EDIL3: variants seen among roughly 807,000 people sequenced by gnomAD.
EDIL3 encodes the protein EGF like and discoidin domains 3.
A neutral mutation model predicts 67.4 loss-of-function variants in EDIL3; 37 were observed. The observed-to-expected ratio is 0.55, with a 90% CI of 0.42 to 0.72. EDIL3 has a LOEUF of 0.72. Among genes scored for constraint, EDIL3 ranks in the 30% least tolerant of loss-of-function variants. The pLI, the probability that EDIL3 is intolerant of heterozygous loss-of-function variation, is 0.00. For synonymous variants in EDIL3, 195 were observed against 196.3 expected (o/e 0.99, Z 0.05); for missense variants, 527 against 586.3 (o/e 0.90, Z 1.04).
intron 1 of EDIL3, among the ~76,000 whole-genome samples, chr5:84,333,948 A>G (rs557183537): frequency 1.3e-5 from 2 of 152,286 alleles, no homozygotes; most frequent in Admixed American, 1.3e-4. Context: ...TAATTGTACA[A>G]AATATGTCTT....
intron 2 of EDIL3, among the ~76,000 whole-genome samples, chr5:84,240,371 T>G (rs1561231733): frequency 6.6e-6 from 1 of 152,138 alleles, no homozygotes; most frequent in Non-Finnish European, 1.5e-5. Context: ...TGGGATAATT[T>G]TGGAAATAAC....
At chr5:84,222,929 C>A (rs1369858770) in intron 3 of EDIL3, among the ~76,000 whole-genome samples, 2 of 151,720 alleles carry the variant, frequency 1.3e-5, no homozygotes, top group Non-Finnish European at 3.0e-5. Flanking sequence ...ATCTGCAGGC[C>A]ATCATTTCAT....
chr5:84,271,938 T>C (rs907256774), intron 1 of EDIL3, among the ~76,000 whole-genome samples: 4 of 152,192 alleles, frequency 2.6e-5, no homozygotes, highest in African/African-American at 7.2e-5. Flanking sequence ...CTCAGAAGAT[T>C]TTCTCGGAGC....
At chr5:84,015,979 T>G (rs979814590) in intron 9 of EDIL3, among the ~76,000 whole-genome samples, 1 of 152,092 alleles carries the variant, frequency 6.6e-6, no homozygotes. Context: ...GTACAGATCC[T>G]CTCATCACCC....
chr5:84,008,126 G>A (rs982178270), intron 9 of EDIL3, among the ~76,000 whole-genome samples: 4 of 152,256 alleles, frequency 2.6e-5, no homozygotes, highest in East Asian at 1.9e-4. Flanking sequence ...GTTACCAGAG[G>A]CTGGAAAGGG....
chr5:84,329,734 G>A (rs1245408310), intron 1 of EDIL3, among the ~76,000 whole-genome samples: 1 of 151,898 alleles, frequency 6.6e-6, no homozygotes, highest in African/African-American at 2.4e-5. Flanking sequence ...TTACAATAAT[G>A]ATAAAGATAA....
At chr5:84,029,021 G>A (rs1170448502) in intron 9 of EDIL3, among the ~76,000 whole-genome samples, 1 of 152,170 alleles carries the variant, frequency 6.6e-6, no homozygotes, top group African/African-American at 2.4e-5. Flanking sequence ...ACTTTGGGAG[G>A]CTGAGGCAGG....
intron 3 of EDIL3, among the ~76,000 whole-genome samples, chr5:84,227,409 T>C (rs936474123): frequency 3.3e-5 from 5 of 151,936 alleles, no homozygotes; most frequent in African/African-American, 1.2e-4. Flanking sequence ...TCAGATACTA[T>C]TAAAAAATCA....
At chr5:84,120,457 T>C (rs759584190) in intron 5 of EDIL3, among the ~76,000 whole-genome samples, 1 of 152,050 alleles carries the variant, frequency 6.6e-6, no homozygotes, top group South Asian at 2.1e-4. Context: ...TTTATCATTT[T>C]AATAAAGATT....
At chr5:84,229,759 G>T in intron 3 of EDIL3, 96 bp downstream of exon 3, 2 of 1,318,720 alleles carry the variant, frequency 1.5e-6, no homozygotes, top group Non-Finnish European at 2.1e-6. Context: ...CAATTTTCTG[G>T]TTGAAATCTG....
intron 9 of EDIL3, among the ~76,000 whole-genome samples, chr5:84,006,145 A>T (rs1444942244): frequency 6.6e-6 from 1 of 151,210 alleles, no homozygotes; most frequent in Non-Finnish European, 1.5e-5. Context: ...GTGAAAGATC[A>T]CTACACTGAA....
intron 9 of EDIL3, among the ~76,000 whole-genome samples, chr5:83,976,618 T>C (rs985799357): frequency 5.3e-5 from 8 of 151,928 alleles, no homozygotes; most frequent in Non-Finnish European, 5.9e-5. Context: ...TGCAGGTTTC[T>C]TTTTTAATTA....
At position 83,974,056 on chromosome 5, in the gene EDIL3, AT is replaced by A. The variant is rs369752311; in HGVS notation, c.1138-10697del. Among the ~76,000 whole-genome samples, 612 of 152,018 alleles carry A rather than the reference AT, an allele frequency of 4.0e-3. 2 individuals carry two copies. The highest frequency in any genetic ancestry group is 8.7e-3 in the South Asian group (42 of 4,808). ...GATATAAAATTTAACCATTCTTACA[AT>A]TTGTAAATCGTCCACAGAGTCCTTT... is the stretch of plus-strand genomic sequence containing the variant. On this transcript the variant is annotated intron_variant, in intron 9 of 10. Transcript: ENST00000296591.
At chr5:83,974,534 G>C (rs1306957279) in intron 9 of EDIL3, among the ~76,000 whole-genome samples, 1 of 152,032 alleles carries the variant, frequency 6.6e-6, no homozygotes, top group South Asian at 2.1e-4. Context: ...AGGAATAAAA[G>C]GGATACGAAT....
At chr5:84,006,551 A>G (rs1244676670) in intron 9 of EDIL3, among the ~76,000 whole-genome samples, 1 of 152,142 alleles carries the variant, frequency 6.6e-6, no homozygotes, top group Admixed American at 6.6e-5. Flanking sequence ...AAAGGCAACA[A>G]TAGATACCAG....
chr5:84,356,033 A>G (rs1418166023), intron 1 of EDIL3, among the ~76,000 whole-genome samples: 3 of 152,212 alleles, frequency 2.0e-5, no homozygotes, highest in African/African-American at 7.2e-5. Flanking sequence ...ATCAGAGCAG[A>G]TGGCCGATTT....
At chr5:84,136,053 G>T (rs1484465815) in intron 5 of EDIL3, among the ~76,000 whole-genome samples, 1 of 152,114 alleles carries the variant, frequency 6.6e-6, no homozygotes, top group Non-Finnish European at 1.5e-5. Flanking sequence ...TGAAGAGAAA[G>T]AACTATGTGG....
At chr5:84,230,100 T>G (rs935212068) in intron 2 of EDIL3, among the ~76,000 whole-genome samples, 2 of 152,188 alleles carry the variant, frequency 1.3e-5, no homozygotes, top group African/African-American at 4.8e-5. Context: ...TCACATTAAA[T>G]AAAAACATAT....
intron 3 of EDIL3, among the ~76,000 whole-genome samples, chr5:84,222,003 A>C (rs2112401183): frequency 6.6e-6 from 1 of 152,112 alleles, no homozygotes; most frequent in South Asian, 2.1e-4. Context: ...TTTATTTTCA[A>C]AATGCGTGAG....
Sources: allele counts gnomAD v4.1 joint callset (sites outside exome capture counted in the v4.1 genomes callset), GRCh38; gene constraint gnomAD v4.1.1; transcripts MANE v1.5; gene names NCBI Gene and HGNC (gene_info 2026-07-23, HGNC 2026-07-21).